Variants in KCND2 observed in about 807,000 individuals in gnomAD.
KCND2 encodes potassium voltage-gated channel subfamily D member 2.
In KCND2, 16 loss-of-function variants were observed where a neutral mutation model predicts 54.4. The ratio of observed to expected loss-of-function variants is 0.29; its 90% CI spans 0.20 to 0.45. KCND2 has a LOEUF of 0.45. Ranked by LOEUF, KCND2 falls within the 20% of genes least tolerant of loss-of-function variation. The probability of loss-of-function intolerance (pLI) is 1.00; values close to 1 mark genes in which losing one functional copy is unlikely to be tolerated. For missense variants in KCND2, 486 were observed against 824.2 expected (o/e 0.59, Z 5.02); for synonymous variants, 317 against 310.7 (o/e 1.02, Z -0.21).
intron 1 of KCND2, among the ~76,000 whole-genome samples, chr7:120,654,036 G>A (rs548719621): frequency 3.5e-4 from 53 of 152,226 alleles, no homozygotes; most frequent in Middle Eastern, 3.4e-3. Context: ...TCAATTCTGT[G>A]TTCTCTGTAT....
chr7:120,431,375 A>G (rs1801785711), intron 1 of KCND2, among the ~76,000 whole-genome samples: 1 of 152,212 alleles, frequency 6.6e-6, no homozygotes, highest in African/African-American at 2.4e-5. Context: ...CTTTTCATGG[A>G]AGACCAGAAA....
intron 1 of KCND2, among the ~76,000 whole-genome samples, chr7:120,621,249 C>CCTGGG (rs934865383): frequency 1.4e-4 from 20 of 139,214 alleles, no homozygotes; most frequent in Non-Finnish European, 1.5e-5. Flanking sequence ...CTCCATCCAG[C>CCTGGG]CTGGGCGACA....
chr7:120,467,474 A>G (rs1042245077), intron 1 of KCND2, among the ~76,000 whole-genome samples: 7 of 152,112 alleles, frequency 4.6e-5, no homozygotes, highest in Admixed American at 2.6e-4. Context: ...GGAGGCCATC[A>G]GGTGTTCTTT....
chr7:120,457,321 A>T (rs563928554), intron 1 of KCND2, among the ~76,000 whole-genome samples: 18 of 152,108 alleles, frequency 1.2e-4, no homozygotes, highest in Non-Finnish European at 2.5e-4. Context: ...CTTCCCAGAA[A>T]ATGGGTTTTT....
chr7:120,593,895 G>T (rs1191321130), intron 1 of KCND2, among the ~76,000 whole-genome samples: 1 of 152,152 alleles, frequency 6.6e-6, no homozygotes, highest in Non-Finnish European at 1.5e-5. Context: ...CCAGAACAGT[G>T]CTGAACCTCT....
At chr7:120,408,146 G>A (rs916374517) in intron 1 of KCND2, among the ~76,000 whole-genome samples, 3 of 151,886 alleles carry the variant, frequency 2.0e-5, no homozygotes, top group Admixed American at 6.6e-5. Flanking sequence ...TTGAAGGGAT[G>A]CGAAGGAGAA....
At chr7:120,607,586 C>A (rs1037877335) in intron 1 of KCND2, among the ~76,000 whole-genome samples, 1 of 151,784 alleles carries the variant, frequency 6.6e-6, no homozygotes, top group Non-Finnish European at 1.5e-5. Flanking sequence ...ACTGTGATAC[C>A]CTTTTAGGTA....
chr7:120,559,033 G>A (rs1377025896), intron 1 of KCND2, among the ~76,000 whole-genome samples: 1 of 151,848 alleles, frequency 6.6e-6, no homozygotes, highest in African/African-American at 2.4e-5. Flanking sequence ...GTGTATGTGT[G>A]TGTGTATGTG....
At chr7:120,573,056 A>T (rs1792385441) in intron 1 of KCND2, among the ~76,000 whole-genome samples, 2 of 152,328 alleles carry the variant, frequency 1.3e-5, no homozygotes, top group South Asian at 4.1e-4. Flanking sequence ...TTTTTAGATT[A>T]TGTGACCTTC....
At chr7:120,720,830 A>T (rs1584895878) in intron 1 of KCND2, among the ~76,000 whole-genome samples, 1 of 152,176 alleles carries the variant, frequency 6.6e-6, no homozygotes, top group East Asian at 1.9e-4. Flanking sequence ...TCTGTTGTAA[A>T]CACTTGATGT....
At chr7:120,659,432 G>A (rs932896296) in intron 1 of KCND2, among the ~76,000 whole-genome samples, 14 of 151,986 alleles carry the variant, frequency 9.2e-5, no homozygotes, top group African/African-American at 2.9e-4. Context: ...TAACAAACAC[G>A]GCAATATCAA....
At chr7:120,523,702 C>CTG (rs1554364024) in intron 1 of KCND2, among the ~76,000 whole-genome samples, 1 of 111,032 alleles carries the variant, frequency 9.0e-6, no homozygotes, top group African/African-American at 4.3e-5. Flanking sequence ...CACACACACA[C>CTG]TCTGTGTGTG....
chr7:120,564,610 C>CA (rs1347513605), intron 1 of KCND2, among the ~76,000 whole-genome samples: 5 of 151,532 alleles, frequency 3.3e-5, no homozygotes, highest in Admixed American at 6.6e-5. Context: ...TTCATTTTAC[C>CA]AAAAAAAGTA....
Position 120,317,759 on chromosome 7 carries a change from G to T in KCND2, c.1115+42012G>T, listed in dbSNP as rs549819283. On this transcript the variant is annotated intron_variant, in intron 1 of 5. Coordinates refer to ENST00000331113, the MANE Select transcript of KCND2 (RefSeq NM_012281.3). The stretch of plus-strand genomic sequence containing the variant: ...TGTCTTTAGAGATTATTGCTTCTGT[G>T]CATGTGTAATTAAGTGTACTCATTA... 1.4e-3 allele frequency among the ~76,000 whole-genome samples: 207 copies of T among 152,244 alleles called. 1 individual carries two copies. Among genetic ancestry groups the T allele is most frequent in the African/African-American group, 4.7e-3 (197 of 41,530 alleles).
In KCND2 at chr7:120,450,848, C is replaced by T. The variant is rs150797819; in HGVS notation, c.1115+175101C>T. On this transcript the variant is annotated intron_variant, in intron 1 of 5. Coordinates refer to ENST00000331113, the MANE Select transcript of KCND2 (RefSeq NM_012281.3). The stretch of plus-strand genomic sequence containing the variant: ...TAAAGTGAATTAATATTGTTGCTGA[C>T]GCCTCTCCTACTCAGCCTTCCCTTA... Among the ~76,000 whole-genome samples the T allele has an allele frequency of 5.9e-4, 90 of 152,238 alleles. 2 individuals are homozygous for T. The East Asian group carries it at 0.011, about 19-fold the overall frequency.
chr7:120,380,975 T>C (rs1420099262), intron 1 of KCND2, among the ~76,000 whole-genome samples: 1 of 152,066 alleles, frequency 6.6e-6, no homozygotes, highest in Non-Finnish European at 1.5e-5. Context: ...CCAGCAAAGA[T>C]TTAAAGAAAT....
At chr7:120,738,903 G>T (rs1409088936) in intron 2 of KCND2, among the ~76,000 whole-genome samples, 1 of 151,534 alleles carries the variant, frequency 6.6e-6, no homozygotes, top group Non-Finnish European at 1.5e-5. Context: ...GTGGTGCTCC[G>T]CAAGACCAAT....
At chr7:120,551,223 C>T (rs1792101252) in intron 1 of KCND2, among the ~76,000 whole-genome samples, 1 of 152,106 alleles carries the variant, frequency 6.6e-6, no homozygotes, top group Non-Finnish European at 1.5e-5. Flanking sequence ...CCATTTTAAG[C>T]ATATAAAAAT....
intron 1 of KCND2, among the ~76,000 whole-genome samples, chr7:120,396,987 G>T (rs999476289): frequency 6.6e-6 from 1 of 152,034 alleles, no homozygotes; most frequent in East Asian, 1.9e-4. Flanking sequence ...TTTACAATTT[G>T]CTTTAAGTTA....
Sources: gnomAD v4.1 joint callset for allele counts (sites outside exome capture counted in the v4.1 genomes callset) on GRCh38, gnomAD v4.1.1 for gene constraint, MANE v1.5 for transcripts, NCBI Gene and HGNC (gene_info 2026-07-23, HGNC 2026-07-21) for gene names.